The following PCDHA5 variants were observed in gnomAD, a reference collection of about 807,000 sequenced individuals.
The protein encoded by PCDHA5 is protocadherin alpha-5.
Under a neutral mutation model 61.6 loss-of-function variants are expected in PCDHA5, and 43 were observed. The ratio of observed to expected loss-of-function variants is 0.70; its 90% confidence interval spans 0.55 to 0.90. The LOEUF (loss-of-function observed/expected upper bound fraction) is 0.90, where lower values mean the gene tolerates loss of function less well. Among genes scored for constraint, PCDHA5 ranks in the 40% least tolerant of loss-of-function variants. The pLI is 0.00. For missense variants in PCDHA5, 1,298 were observed against 1,222.7 expected (o/e 1.06, Z -0.92); for synonymous variants, 627 against 543.9 (o/e 1.15, Z -2.13).
rs546684407 is a variant in PCDHA5 at position 140,870,806 on chromosome 5, A to G, written c.2352+46679A>G. 6.2e-6 allele frequency: 10 copies of G among 1,613,688 alleles called. No individual in the cohort carries two copies. In the Admixed American group the frequency reaches 1.7e-4, roughly 27 times the overall value. ...AACGCGCCGGCACTGCTGGCGACTC[A>G]GGCTGGCAGCGCGGGAGGCGCAGTT... is the stretch of plus-strand genomic sequence containing the variant. On this transcript the variant is annotated intron_variant, in intron 1 of 3. Transcript: ENST00000529859.
At chr5:140,907,430 T>G (rs1554192988) in intron 1 of PCDHA5, among the ~76,000 whole-genome samples, 1 of 152,244 alleles carries the variant, frequency 6.6e-6, no homozygotes, top group Non-Finnish European at 1.5e-5. Context: ...TAAGGCATTC[T>G]GTGAGTCCAC....
At chr5:140,842,993 G>C in intron 1 of PCDHA5, 1 of 1,595,048 alleles carries the variant, frequency 6.3e-7, no homozygotes, top group Non-Finnish European at 8.6e-7. Flanking sequence ...CGTGCTGGAC[G>C]AGAATGACAA....
chr5:140,946,886 C>G (rs1304455156), intron 1 of PCDHA5, among the ~76,000 whole-genome samples: 1 of 151,128 alleles, frequency 6.6e-6, no homozygotes, highest in African/African-American at 2.4e-5. Context: ...TACGAAGTTA[C>G]AATTAGATAG....
intron 2 of PCDHA5, among the ~76,000 whole-genome samples, chr5:140,979,642 A>G (rs1364696351): frequency 2.0e-5 from 3 of 152,188 alleles, no homozygotes; most frequent in South Asian, 2.1e-4. Flanking sequence ...ATTAAATATA[A>G]TTTTGCTTTC....
At chr5:140,843,133 C>G in intron 1 of PCDHA5, 1 of 1,595,974 alleles carries the variant, frequency 6.3e-7, no homozygotes, top group Non-Finnish European at 8.6e-7. Flanking sequence ...CGGGCTACAA[C>G]GCGTGGCTTT....
At chr5:140,911,759 T>A (rs2075630155) in intron 1 of PCDHA5, among the ~76,000 whole-genome samples, 3 of 152,026 alleles carry the variant, frequency 2.0e-5, no homozygotes, top group South Asian at 2.1e-4. Context: ...TTCTCCATAC[T>A]ATTAGAAGTA....
chr5:140,862,833 G>A (rs868966696), intron 1 of PCDHA5: 1 of 575,582 alleles, frequency 1.7e-6, no homozygotes, highest in Non-Finnish European at 3.3e-6. Flanking sequence ...CGCGCGACGC[G>A]GGCATGCCGC....
chr5:140,969,049 C>A, intron 1 of PCDHA5: 1 of 1,614,142 alleles, frequency 6.2e-7, no homozygotes, highest in Non-Finnish European at 8.5e-7. Context: ...AACAAGCCAA[C>A]AACAATATTG....
chr5:140,907,616 GCT>G (rs1554193070), intron 1 of PCDHA5, among the ~76,000 whole-genome samples: 1 of 152,216 alleles, frequency 6.6e-6, no homozygotes, highest in Non-Finnish European at 1.5e-5. Context: ...CATATCAAGG[GCT>G]CAGTGTTGGT....
intron 1 of PCDHA5, among the ~76,000 whole-genome samples, chr5:140,955,489 A>G (rs1554221953): frequency 1.3e-5 from 2 of 152,114 alleles, no homozygotes; most frequent in Non-Finnish European, 2.9e-5. Context: ...CCTTCCTGCC[A>G]CCATGTGAAG....
At chr5:140,863,076 G>A (rs782126148) in intron 1 of PCDHA5, 19 of 569,916 alleles carry the variant, frequency 3.3e-5, no homozygotes, top group South Asian at 2.5e-4. Context: ...GGCTCTGCAC[G>A]GGCGAGATCA....
chr5:140,848,340 A>G, intron 1 of PCDHA5: 1 of 894,036 alleles, frequency 1.1e-6, no homozygotes, highest in Admixed American at 2.4e-5. Context: ...ATCCAGACAA[A>G]TACAGCCCTT....
chr5:140,952,157 T>TG (rs771517820), intron 1 of PCDHA5, among the ~76,000 whole-genome samples: 33 of 152,162 alleles, frequency 2.2e-4, no homozygotes, highest in Non-Finnish European at 4.3e-4. Flanking sequence ...TGTGGCTTTG[T>TG]GGGGTTCAGT....
At chr5:140,949,474 G>T (rs2094384891) in intron 1 of PCDHA5, among the ~76,000 whole-genome samples, 1 of 151,524 alleles carries the variant, frequency 6.6e-6, no homozygotes, top group Admixed American at 6.6e-5. Flanking sequence ...CTGTTATTAG[G>T]CACACACATT....
At chr5:140,830,282 G>T (rs2150184227) in intron 1 of PCDHA5, 4 of 1,613,822 alleles carry the variant, frequency 2.5e-6, no homozygotes, top group Admixed American at 1.7e-5. Flanking sequence ...CACCGAGGGC[G>T]CGTGCACGGC....
intron 1 of PCDHA5, among the ~76,000 whole-genome samples, chr5:140,831,996 A>G (rs1771793071): frequency 6.6e-6 from 1 of 152,198 alleles, no homozygotes; most frequent in Non-Finnish European, 1.5e-5. Context: ...CGGATTCCAT[A>G]TTGTTTTCAT....
At chr5:140,933,663 C>G (rs1340033934) in intron 1 of PCDHA5, among the ~76,000 whole-genome samples, 4 of 152,128 alleles carry the variant, frequency 2.6e-5, no homozygotes, top group African/African-American at 7.2e-5. Context: ...GTCTCTCTCT[C>G]TGTCTCTCTC....
intron 1 of PCDHA5, chr5:140,884,564 A>C: frequency 6.2e-7 from 1 of 1,614,118 alleles, no homozygotes; most frequent in Non-Finnish European, 8.5e-7. Flanking sequence ...GGGCCCGCAT[A>C]AGACGGACCT....
At chr5:140,883,773 G>C (rs1362933627) in intron 1 of PCDHA5, 11 of 1,612,372 alleles carry the variant, frequency 6.8e-6, no homozygotes, top group Non-Finnish European at 9.3e-6. Context: ...GTGGGCGAGC[G>C]TGCGCTGTCG....
Sources: gnomAD v4.1 joint callset for allele counts (sites outside exome capture counted in the v4.1 genomes callset) on GRCh38, gnomAD v4.1.1 for gene constraint, MANE v1.5 for transcripts, NCBI Gene and HGNC (gene_info 2026-07-23, HGNC 2026-07-21) for gene names.